ZFYVE1: variants seen among roughly 807,000 people sequenced by gnomAD.
ZFYVE1 encodes zinc finger FYVE domain-containing protein 1.
A neutral mutation model predicts 74.4 loss-of-function variants in ZFYVE1; 30 were observed. That is an observed-to-expected ratio of 0.40 (90% CI 0.30 to 0.55). The LOEUF (loss-of-function observed/expected upper bound fraction) is 0.55, where lower values mean the gene tolerates loss of function less well. ZFYVE1 is among the 20% of genes least tolerant of loss of function. The pLI, the probability that ZFYVE1 is intolerant of heterozygous loss-of-function variation, is 0.42. For missense variants in ZFYVE1, 703 were observed against 1,011.6 expected (o/e 0.69, Z 4.14); for synonymous variants, 335 against 385.1 (o/e 0.87, Z 1.52).
rs1594830013 is a variant in ZFYVE1 at position 72,975,843 on chromosome 14, G to A, written c.1636-122C>T. ...ACTCAGAACCACTAACTCCCTGGCA[G>A]GGAAGAACGGAGACACACCAGGAAT... On this transcript the variant is annotated intron_variant, in intron 8 of 11. Coordinates refer to ENST00000556143, the MANE Select transcript of ZFYVE1 (RefSeq NM_021260.4). The surrounding 1 kb of genome is among the most constrained non-coding windows in gnomAD (Gnocchi z 4.1). 1.8e-6 allele frequency: 2 copies of A among 1,134,456 alleles called. No individual in the cohort carries two copies. The allele number at this position is 1,134,456 out of a possible 1,614,324, so 70.3% of individuals were successfully genotyped here. A position where few individuals can be genotyped will look rare whatever the true frequency, so the allele number is the denominator to read the frequency against.
chr14:73,023,160 C>CAA (rs768012600), intron 2 of ZFYVE1, among the ~76,000 whole-genome samples: 90 of 3,100 alleles, frequency 0.029, 5 homozygotes, highest in African/African-American at 0.036. Context: ...AATTCCATCT[C>CAA]AAAAAATATA....
intron 4 of ZFYVE1, among the ~76,000 whole-genome samples, chr14:72,984,217 T>C (rs61986501): frequency 0.13 from 19,571 of 152,068 alleles, 1,551 homozygotes; most frequent in East Asian, 0.2. Flanking sequence ...CTATACTTTT[T>C]GGGGGTACTT....
chr14:72,990,689 CTTTTTT>C (rs369030778), intron 4 of ZFYVE1, among the ~76,000 whole-genome samples: 4 of 66,708 alleles, frequency 6.0e-5, no homozygotes, highest in African/African-American at 1.1e-4. Flanking sequence ...CGCACCTGGC[CTTTTTT>C]TTTTTTTTTT....
In ZFYVE1 at chr14:72,975,303, G is replaced by T; in HGVS notation, c.1806+248C>A. On this transcript the variant is annotated intron_variant, in intron 9 of 11. Transcript: ENST00000556143. The surrounding 1 kb of genome is among the most constrained non-coding windows in gnomAD (Gnocchi z 4.1). The stretch of plus-strand genomic sequence containing the variant: ...TCACATATCTAAGCAATATTCACTG[G>T]TCGTCACACACAAGGAAACTAAAAC... 1 of 553,150 alleles carries T rather than the reference G, an allele frequency of 1.8e-6. No individual in the cohort carries two copies. Among genetic ancestry groups the T allele is most frequent in the Non-Finnish European group, 3.1e-6 (1 of 318,578 alleles). The allele number at this position is 553,150 out of a possible 1,614,324, so 34.3% of individuals were successfully genotyped here.
intron 2 of ZFYVE1, among the ~76,000 whole-genome samples, chr14:73,017,785 T>C (rs955680157): frequency 6.6e-6 from 1 of 152,204 alleles, no homozygotes; most frequent in South Asian, 2.1e-4. Flanking sequence ...GTGGTCTCCC[T>C]GCCTTCCTTC....
Position 72,993,222 on chromosome 14 carries a change from C to A in ZFYVE1, c.1124G>T (p.Arg375Leu). 1 of 1,613,724 alleles carries A rather than the reference C, an allele frequency of 6.2e-7. No individual in the cohort carries two copies. Among genetic ancestry groups the A allele is most frequent in the East Asian group, 2.2e-5 (1 of 44,846 alleles). ...YNPPTDFSGL[R>L]RALEQLLENN... ...CTCTAGTAGCTGCTCCAAAGCACGC[C>A]GAAGCCCAGAAAAGTCCGTGGGAGG... The change falls in exon 4 of 12, where the codon CGG becomes CTG. Residue 375 changes from arginine (R) to leucine (L), a missense_variant. Arg to Leu is a moderately radical substitution (Grantham distance 102). Around this residue, in one of 2 missense-constraint regions of ZFYVE1, gnomAD observed 492 missense variants for 790.0 expected, o/e 0.62. Transcript: ENST00000556143.
chr14:73,023,821 A>G (rs1894396412), intron 2 of ZFYVE1, among the ~76,000 whole-genome samples: 1 of 152,180 alleles, frequency 6.6e-6, no homozygotes, highest in Non-Finnish European at 1.5e-5. Flanking sequence ...TAGATGAAAA[A>G]GCTAAGGCTC....
At chr14:73,000,641 G>C (rs961242759) in intron 2 of ZFYVE1, among the ~76,000 whole-genome samples, 15 of 151,650 alleles carry the variant, frequency 9.9e-5, no homozygotes, top group African/African-American at 3.1e-4. Context: ...GCATTGGCAA[G>C]GATGTACAGA....
chr14:73,023,243 T>TATATATTATATGTTTTATATATA (rs1894361337), intron 2 of ZFYVE1, among the ~76,000 whole-genome samples: 10 of 117,820 alleles, frequency 8.5e-5, no homozygotes, highest in East Asian at 7.1e-4. Context: ...TTATATGTAA[T>TATATATTATATGTTTTATATATA]ATATATATTA....
At chr14:72,980,968 G>A (rs898415819) in intron 5 of ZFYVE1, among the ~76,000 whole-genome samples, 1 of 152,178 alleles carries the variant, frequency 6.6e-6, no homozygotes, top group Admixed American at 6.5e-5. Flanking sequence ...TTTTTCTGAT[G>A]CATGCTAAAA....
intron 2 of ZFYVE1, among the ~76,000 whole-genome samples, chr14:72,999,199 C>A (rs1893817347): frequency 6.6e-6 from 1 of 152,024 alleles, no homozygotes; most frequent in Non-Finnish European, 1.5e-5. Context: ...GAGGCCAAGG[C>A]AGGCAGATCC....
At chr14:72,978,746 A>G (rs1329914171) in intron 6 of ZFYVE1, 115 bp downstream of exon 6, 4 of 822,450 alleles carry the variant, frequency 4.9e-6, no homozygotes, top group Admixed American at 2.0e-5. Flanking sequence ...GAAATATTCA[A>G]TTTGAATATC....
At chr14:73,023,305 A>C (rs367564010) in intron 2 of ZFYVE1, among the ~76,000 whole-genome samples, 1 of 86,044 alleles carries the variant, frequency 1.2e-5, no homozygotes, top group Non-Finnish European at 2.2e-5. Flanking sequence ...AATATATATT[A>C]TATATGTTTT....
At chr14:72,988,564 T>G (rs1893536875) in intron 4 of ZFYVE1, among the ~76,000 whole-genome samples, 1 of 150,854 alleles carries the variant, frequency 6.6e-6, no homozygotes, top group Non-Finnish European at 1.5e-5. Context: ...CCCAACATTT[T>G]GGGAGGCGGA....
chr14:73,017,897 G>C (rs929706931), intron 2 of ZFYVE1, among the ~76,000 whole-genome samples: 1 of 152,100 alleles, frequency 6.6e-6, no homozygotes, highest in African/African-American at 2.4e-5. Context: ...AAGCAGTCTG[G>C]TGTCTCCCAT....
chr14:72,998,762 G>A (rs1893806996), intron 2 of ZFYVE1, among the ~76,000 whole-genome samples: 1 of 151,306 alleles, frequency 6.6e-6, no homozygotes, highest in African/African-American at 2.4e-5. Flanking sequence ...GAGGAGGGAG[G>A]ATCCCTTGAG....
chr14:73,007,292 A>G (rs1894000792), intron 2 of ZFYVE1, among the ~76,000 whole-genome samples: 1 of 152,192 alleles, frequency 6.6e-6, no homozygotes, highest in Admixed American at 6.6e-5. Flanking sequence ...AACCTGGAAA[A>G]CACTCTTAAG....
At chr14:72,987,888 A>T (rs1423789235) in intron 4 of ZFYVE1, among the ~76,000 whole-genome samples, 1 of 152,328 alleles carries the variant, frequency 6.6e-6, no homozygotes, top group East Asian at 1.9e-4. Flanking sequence ...TGACATCAAA[A>T]GTGATCCTGT....
rs1336204974 is a variant in ZFYVE1, at chr14:72,986,853, T to C, written c.1204-4958A>G. 1.0e-5 allele frequency: 10 copies of C among 984,050 alleles called. No homozygotes were observed. The East Asian group carries it at 1.1e-3, about 112-fold the overall frequency. The allele number at this position is 984,050 out of a possible 1,614,324, so 61.0% of individuals were successfully genotyped here. On this transcript the variant is annotated intron_variant, in intron 4 of 11. Coordinates refer to ENST00000556143, the MANE Select transcript of ZFYVE1 (RefSeq NM_021260.4). ...CCCTGATTTTTCTTTACATACCACC[T>C]GATCCATATACTTATTAGCAGGTTC...
Sources: gnomAD v4.1 joint callset for allele counts (sites outside exome capture counted in the v4.1 genomes callset) on GRCh38, gnomAD v4.1.1 for gene constraint, gnomAD v4.1.1 regional missense constraint, Gnocchi (gnomAD v3.1) non-coding constraint, MANE v1.5 for transcripts, NCBI Gene and HGNC (gene_info 2026-07-23, HGNC 2026-07-21) for gene names.